The following TPM3 variants were observed in gnomAD, a reference collection of about 807,000 sequenced individuals.
TPM3 encodes tropomyosin 3.
A neutral mutation model predicts 43.1 loss-of-function variants in TPM3; 16 were observed. The ratio of observed to expected loss-of-function variants is 0.37; its 90% CI spans 0.25 to 0.56. TPM3 has a LOEUF of 0.56. Among genes scored for constraint, TPM3 ranks in the 20% least tolerant of loss-of-function variants. The pLI is 0.77. For synonymous variants in TPM3, 101 were observed against 116.9 expected, an observed-to-expected ratio of 0.86 and a Z score of 0.88; for missense variants, 176 against 337.2, an observed-to-expected ratio of 0.52 and a Z score of 3.74.
At chr1:154,179,388 A>G (rs1043678843) in intron 2 of TPM3, among the ~76,000 whole-genome samples, 1 of 152,168 alleles carries the variant, frequency 6.6e-6, no homozygotes, top group Non-Finnish European at 1.5e-5. Flanking sequence ...AACCAAAGAA[A>G]GGTTGCTTAG....
At chr1:154,155,868 ATGT>A (rs1659749867), downstream of TPM3, 1 of 212,938 alleles carries the variant, frequency 4.7e-6, no homozygotes, top group South Asian at 1.9e-4. Flanking sequence ...TCTAATCTTC[ATGT>A]TTACTCTGAC....
intron 2 of TPM3, among the ~76,000 whole-genome samples, chr1:154,177,553 AC>A (rs1320846200): frequency 6.6e-6 from 1 of 152,124 alleles, no homozygotes; most frequent in African/African-American, 2.4e-5. Flanking sequence ...GGTGGGAGGT[AC>A]CCTGACTGCA....
intron 4 of TPM3, 33 bp downstream of exon 4, chr1:154,173,051 C>G: frequency 1.9e-6 from 3 of 1,613,696 alleles, no homozygotes; most frequent in Non-Finnish European, 2.5e-6. Flanking sequence ...TGTAAAAGGC[C>G]GATACGAGAG....
Position 154,174,364 on chromosome 1 carries a change from A to G in TPM3, c.378-1163T>C, listed in dbSNP as rs557698991. 2.4e-4 allele frequency among the ~76,000 whole-genome samples: 13 copies of G among 55,292 alleles called. No homozygotes were observed. The East Asian group carries it at 4.1e-3, about 18-fold the overall frequency. 36.3% of individuals were successfully genotyped at this position (55,292 alleles called of 152,430 possible). The stretch of plus-strand genomic sequence containing the variant: ...AAATAAATAAATATTATTTAAATAT[A>G]TGTGTATATATATATATATATATAT... On this transcript the variant is annotated intron_variant, in intron 3 of 9. Transcript: ENST00000651641.
rs10908723 is a variant in TPM3 at position 154,165,752 on chromosome 1, G to A, written c.*2185C>T. Among the ~76,000 whole-genome samples the A allele has an allele frequency of 0.32, 44,555 of 139,438 alleles. 7,587 individuals carry two copies. Among genetic ancestry groups the A allele is most frequent in the Admixed American group, 0.49 (6,669 of 13,732 alleles). 91.5% of individuals were successfully genotyped at this position (139,438 alleles called of 152,430 possible). A position where few individuals can be genotyped will look rare whatever the true frequency, so the allele number is the denominator to read the frequency against. The stretch of plus-strand genomic sequence containing the variant: ...TGCAGTGAGCTGAGATCAGGCCACT[G>A]AACTCCAGCCTAGGTGACAAGAGTC... On this transcript the variant is annotated 3_prime_UTR_variant, in exon 10 of 10. Transcript: ENST00000651641.
downstream of TPM3, among the ~76,000 whole-genome samples, chr1:154,160,354 C>G (rs1025639322): frequency 2.0e-5 from 3 of 152,226 alleles, no homozygotes; most frequent in Admixed American, 6.5e-5. Context: ...CTCAGGTACC[C>G]TGCCTTGTGG....
Position 154,164,843 on chromosome 1 carries a change from TGTTA to T in TPM3, c.*3090_*3093del, listed in dbSNP as rs1368257444. Among the ~76,000 whole-genome samples, 1 of 152,228 alleles carries T rather than the reference TGTTA, an allele frequency of 6.6e-6. No individual in the cohort carries two copies. The highest frequency in any genetic ancestry group is 1.5e-5 in the Non-Finnish European group (1 of 68,034). ...AATGGCTGAAATGTGAGAAACACCA[TGTTA>T]GTGAATCACTTTGCTAATCTGCAAA... On this transcript the variant is annotated 3_prime_UTR_variant, in exon 10 of 10. Transcript: ENST00000651641.
At chr1:154,170,857 C>T (rs1661498760) in intron 6 of TPM3, 146 bp from the exon 7 acceptor site, 1 of 669,312 alleles carries the variant, frequency 1.5e-6, no homozygotes. Context: ...TGGCTCTGGA[C>T]AATAGGTCCT....
In TPM3 at chr1:154,172,462, C is replaced by T. The variant is rs115611001; in HGVS notation, c.566+446G>A. On this transcript the variant is annotated intron_variant, in intron 5 of 9. Transcript: ENST00000651641. The stretch of plus-strand genomic sequence containing the variant: ...TTTTAGGGACAGGGTCTCCCTATGA[C>T]GCCCAGGCTGGCCTCCAACTCCTGG... 1,348 of 508,372 alleles carry T rather than the reference C, an allele frequency of 2.7e-3. 17 individuals carry two copies. Among genetic ancestry groups the T allele is most frequent in the African/African-American group, 0.023 (1,195 of 51,612 alleles). The allele number at this position is 508,372 out of a possible 1,614,324, so 31.5% of individuals were successfully genotyped here.
chr1:154,183,318 A>G (rs555630673), intron 2 of TPM3: 14 of 1,475,622 alleles, frequency 9.5e-6, no homozygotes, highest in South Asian at 5.3e-5. Context: ...GAGCCGCGGC[A>G]GGGAGTGGAT....
At position 154,191,192 on chromosome 1, in the gene TPM3, A is replaced by G; in HGVS notation, c.237T>C (p.Ala79=). The G allele has an allele frequency of 6.2e-7, 1 of 1,614,202 alleles. No homozygotes were observed. The highest frequency in any genetic ancestry group is 8.5e-7 in the Non-Finnish European group (1 of 1,180,028). ...CCATCTCTCTAATACTCACATCAGC[A>G]GCCTTCTTCTCTGCCAGTTCCAGCT... The part of the protein sequence containing the change: ...QEKLELAEKK[A]ADAEAEVASL... Residue 79 remains alanine (A), a synonymous_variant, in exon 2 of 10, where the codon GCT becomes GCC. Coordinates refer to ENST00000651641, the MANE Select transcript of TPM3 (RefSeq NM_152263.4).
chr1:154,168,647 G>T (rs1163047083), intron 9 of TPM3, among the ~76,000 whole-genome samples: 1 of 151,826 alleles, frequency 6.6e-6, no homozygotes, highest in Admixed American at 6.6e-5. Flanking sequence ...TTAGCCTCCC[G>T]AGTAGTTGGG....
Position 154,167,844 on chromosome 1 carries a change from G to A in TPM3, c.*93C>T. On this transcript the variant is annotated 3_prime_UTR_variant, in exon 10 of 10. Coordinates refer to ENST00000651641, the MANE Select transcript of TPM3 (RefSeq NM_152263.4). ...TCCTAATGCCTTGGGGACCAGCCAG[G>A]CTGACCCAAATGGAATCCAGAGCGA... 6.2e-7 allele frequency: 1 copy of A among 1,612,876 alleles called. No individual in the cohort carries two copies. The highest frequency in any genetic ancestry group is 8.5e-7 in the Non-Finnish European group (1 of 1,179,294).
At chr1:154,184,782 AGC>A in intron 2 of TPM3, among the ~76,000 whole-genome samples, 1 of 151,792 alleles carries the variant, frequency 6.6e-6, no homozygotes, top group East Asian at 2.0e-4. Flanking sequence ...GCTTGGTGGC[AGC>A]ACGTCTGTAG....
chr1:154,170,409 C>A lies in TPM3; in HGVS notation c.766G>T (p.Asp256Tyr). 6.2e-7 allele frequency: 1 copy of A among 1,614,144 alleles called. No individual in the cohort carries two copies. The highest frequency in any genetic ancestry group is 1.1e-5 in the South Asian group (1 of 91,078). ...ACTCCAGGTTCCATACCTTCCAGGT[C>A]ATCAATTGTCTTTTCCAGCTTGGCT... ...SVAKLEKTID[D>Y]LEDELYAQKL... Residue 256 changes from aspartate (D) to tyrosine (Y), a missense_variant, in exon 8 of 10, where the codon GAC (aspartate) becomes TAC (tyrosine). This residue lies in a region of TPM3 where 53 missense variants were observed against 98.3 expected (regional missense o/e 0.54). Transcript: ENST00000651641.
intron 3 of TPM3, 150 bp downstream of exon 3, chr1:154,175,965 C>T (rs984074496): frequency 7.6e-7 from 1 of 1,311,920 alleles, no homozygotes; most frequent in South Asian, 1.2e-5. Flanking sequence ...AGCCACCCTC[C>T]TGCCTCAGCG....
intron 2 of TPM3, chr1:154,187,548 T>G: frequency 2.0e-6 from 2 of 978,642 alleles, no homozygotes; most frequent in Non-Finnish European, 2.4e-6. Flanking sequence ...TTCTTTCAAA[T>G]GAATATACTG....
chr1:154,157,497 A>C (rs1198521445), downstream of TPM3: 1 of 752,800 alleles, frequency 1.3e-6, no homozygotes, highest in Non-Finnish European at 2.4e-6. Flanking sequence ...AAAAAGACAC[A>C]GGGAAGGAGG....
chr1:154,156,019 T>A (rs1442743614), downstream of TPM3: 1 of 180,022 alleles, frequency 5.6e-6, no homozygotes, highest in East Asian at 9.2e-5. Flanking sequence ...CACCTGAAGG[T>A]CAGGAGTTCG....
Sources: allele counts gnomAD v4.1 joint callset (sites outside exome capture counted in the v4.1 genomes callset), GRCh38; gene constraint gnomAD v4.1.1; regional missense constraint gnomAD v4.1.1; transcripts MANE v1.5; gene names NCBI Gene and HGNC (gene_info 2026-07-23, HGNC 2026-07-21).